The following GFM2 variants were observed in gnomAD, a reference collection of about 807,000 sequenced individuals.
GFM2 encodes the protein ribosome-releasing factor 2, mitochondrial.
A neutral mutation model predicts 95.4 loss-of-function variants in GFM2; 72 were observed. The observed-to-expected ratio is 0.76, with a 90% CI of 0.62 to 0.92. GFM2 has a LOEUF of 0.92. Ranked by LOEUF, GFM2 falls within the 40% of genes least tolerant of loss-of-function variation. The pLI is 0.00. For synonymous variants in GFM2, 276 were observed against 317.5 expected, an observed-to-expected ratio of 0.87 and a Z score of 1.39; for missense variants, 825 against 924.1, an observed-to-expected ratio of 0.89 and a Z score of 1.39.
intron 1 of GFM2, among the ~76,000 whole-genome samples, chr5:74,764,124 T>A (rs1744420937): frequency 6.6e-6 from 1 of 152,216 alleles, no homozygotes; most frequent in East Asian, 1.9e-4. Context: ...AGCATCCACA[T>A]ATTAACTTGG....
chr5:74,749,887 GATA>G (rs1743606201), intron 7 of GFM2, among the ~76,000 whole-genome samples: 1 of 152,094 alleles, frequency 6.6e-6, no homozygotes, highest in African/African-American at 2.4e-5. Flanking sequence ...AGGCTGTAAA[GATA>G]TTTTTCTTCT....
At chr5:74,741,845 C>T in intron 10 of GFM2, 1 of 312,050 alleles carries the variant, frequency 3.2e-6, no homozygotes, top group Non-Finnish European at 5.9e-6. Flanking sequence ...AAGCCAGATC[C>T]TGATAAAGCA....
chr5:74,732,351 G>A (rs527685277), intron 16 of GFM2, among the ~76,000 whole-genome samples: 4 of 151,744 alleles, frequency 2.6e-5, no homozygotes, highest in African/African-American at 9.7e-5. Context: ...CTGGCATTTT[G>A]GGAAAACAAA....
At chr5:74,741,717 C>G in intron 10 of GFM2, 108 bp from the exon 11 acceptor site, 1 of 548,908 alleles carries the variant, frequency 1.8e-6, no homozygotes, top group Non-Finnish European at 3.2e-6. Context: ...AGACAGCTAC[C>G]TTACCTAGGC....
intron 2 of GFM2, among the ~76,000 whole-genome samples, chr5:74,762,305 A>G (rs1194533647): frequency 6.6e-6 from 1 of 152,156 alleles, no homozygotes; most frequent in African/African-American, 2.4e-5. Context: ...TGGATTCCTG[A>G]AACCTCAGAT....
chr5:74,747,351 G>A (rs1743439101), intron 8 of GFM2, among the ~76,000 whole-genome samples: 1 of 152,126 alleles, frequency 6.6e-6, no homozygotes, highest in Non-Finnish European at 1.5e-5. Flanking sequence ...GCGATGATGG[G>A]AAGCGCCATA....
chr5:74,757,575 A>G (rs1561261571), intron 5 of GFM2, among the ~76,000 whole-genome samples: 1 of 152,028 alleles, frequency 6.6e-6, no homozygotes, highest in East Asian at 1.9e-4. Context: ...CCAAAAATAC[A>G]AAAGTTAGCC....
At chr5:74,746,009 T>C (rs1743366600) in intron 9 of GFM2, 96 bp downstream of exon 9, 1 of 1,100,196 alleles carries the variant, frequency 9.1e-7, no homozygotes, top group Non-Finnish European at 1.3e-6. Context: ...CCCCAACTTC[T>C]TCAAAAATGA....
At chr5:74,727,932 A>T (rs574019005) in intron 17 of GFM2, among the ~76,000 whole-genome samples, 5 of 152,314 alleles carry the variant, frequency 3.3e-5, no homozygotes, top group African/African-American at 1.2e-4. Flanking sequence ...TGTGCTGTGT[A>T]ACAGATCATG....
At chr5:74,733,660 AG>A (rs1280793789) in intron 15 of GFM2, among the ~76,000 whole-genome samples, 4 of 152,202 alleles carry the variant, frequency 2.6e-5, no homozygotes, top group Admixed American at 2.6e-4. Flanking sequence ...AAGGTCTTGT[AG>A]GCCATGATGA....
At chr5:74,752,741 G>T (rs560052812) in intron 5 of GFM2, among the ~76,000 whole-genome samples, 1 of 152,062 alleles carries the variant, frequency 6.6e-6, no homozygotes, top group South Asian at 2.1e-4. Context: ...CAACAACCTG[G>T]ATAGTTTTTA....
At chr5:74,758,824 G>A (rs1283286900) in intron 5 of GFM2, 25 bp downstream of exon 5, 11 of 1,378,448 alleles carry the variant, frequency 8.0e-6, no homozygotes, top group Non-Finnish European at 1.0e-5. Flanking sequence ...ATGGGGGGGT[G>A]GGAAGAGGAG....
In GFM2 at chr5:74,722,456, T is replaced by C. The variant is rs762257781; in HGVS notation, c.2134A>G (p.Arg712Gly). Residue 712 changes from arginine to glycine, a missense_variant, in exon 20 of 21, where the codon AGA becomes GGA. By Grantham distance (125) the Arg-to-Gly change is moderately radical. Transcript: ENST00000296805. The stretch of plus-strand genomic sequence containing the variant: ...GTCTGAATTTCCTGAATGTTTCCTC[T>C]TCTTTGTGCCAGATCTGCCAGGACA... The part of the protein sequence containing the change: ...SPVLADLAQR[R>G]GNIQEIQTRQ... 9 of 1,613,950 alleles carry C rather than the reference T, an allele frequency of 5.6e-6. No homozygotes were observed. The African/African-American group carries it at 6.7e-5, about 12-fold the overall frequency.
At chr5:74,734,582 T>C (rs1018800485) in intron 15 of GFM2, among the ~76,000 whole-genome samples, 26 of 152,302 alleles carry the variant, frequency 1.7e-4, no homozygotes, top group African/African-American at 6.0e-4. Context: ...AGAGGCATTA[T>C]TGTAGATAAT....
At chr5:74,749,561 T>G (rs1230629163) in intron 7 of GFM2, among the ~76,000 whole-genome samples, 1 of 152,200 alleles carries the variant, frequency 6.6e-6, no homozygotes, top group Non-Finnish European at 1.5e-5. Context: ...TCTGGGTTAT[T>G]ATTGATTTAT....
rs145665250 is a variant in GFM2, at chr5:74,751,431, T to C, written c.367A>G (p.Ile123Val). 2.5e-5 allele frequency: 41 copies of C among 1,608,840 alleles called. No individual in the cohort carries two copies. In the African/African-American group the frequency reaches 4.7e-4, roughly 18 times the overall value. ...TCAAATGTAACAGCAGCTGATTGAA[T>C]AGTAATGCCTCTTTCTCGCTCTTGG... Reference protein sequence around the residue: ...MAQERERGITIQSAAVTFDWK... With the variant: ...MAQERERGITVQSAAVTFDWK... Residue 123 changes from isoleucine to valine, a missense_variant, in exon 6 of 21, where the codon ATT becomes GTT. Coordinates refer to ENST00000296805, the MANE Select transcript of GFM2 (RefSeq NM_032380.5).
intron 1 of GFM2, among the ~76,000 whole-genome samples, chr5:74,765,435 T>A (rs1345648954): frequency 6.6e-6 from 1 of 151,904 alleles, no homozygotes; most frequent in Admixed American, 6.6e-5. Flanking sequence ...TAGGGTGCTG[T>A]AGAGAAGAAT....
In GFM2 at chr5:74,721,473, T is replaced by A; in HGVS notation, c.*182A>T. 1 of 724,830 alleles carries A rather than the reference T, an allele frequency of 1.4e-6. No individual in the cohort carries two copies. Among genetic ancestry groups the A allele is most frequent in the Non-Finnish European group, 2.4e-6 (1 of 421,430 alleles). The allele number at this position is 724,830 out of a possible 1,614,324, so 44.9% of individuals were successfully genotyped here. A position where few individuals can be genotyped will look rare whatever the true frequency, so the allele number is the denominator to read the frequency against. On this transcript the variant is annotated 3_prime_UTR_variant, in exon 21 of 21. Transcript: ENST00000296805. ...TTAAACATCAAAGCACATTTCTCAT[T>A]ATATAAATTAAAACGGGTGGCTCCA...
chr5:74,764,074 C>T (rs1273472370), intron 1 of GFM2, among the ~76,000 whole-genome samples: 1 of 152,094 alleles, frequency 6.6e-6, no homozygotes, highest in Non-Finnish European at 1.5e-5. Flanking sequence ...AACCAAAATG[C>T]ATTGTTATGT....
Sources: gnomAD v4.1 joint callset for allele counts (sites outside exome capture counted in the v4.1 genomes callset) on GRCh38, gnomAD v4.1.1 for gene constraint, MANE v1.5 for transcripts, NCBI Gene and HGNC (gene_info 2026-07-23, HGNC 2026-07-21) for gene names.